The following ZNF273 variants were observed in gnomAD, a reference collection of about 807,000 sequenced individuals.
ZNF273 encodes the protein zinc finger protein 273, also known as zinc finger protein 9.
Under a neutral mutation model 14.9 loss-of-function variants are expected in ZNF273, and 11 were observed. The observed-to-expected ratio is 0.74, with a 90% CI of 0.46 to 1.22. The LOEUF is 1.22. Among genes scored for constraint, ZNF273 ranks in the 50% most tolerant of loss-of-function variants. ZNF273 has a pLI of 0.00. For missense variants in ZNF273, 577 were observed against 660.6 expected, an observed-to-expected ratio of 0.87 and a Z score of 1.39; for synonymous variants, 199 against 223.9, an observed-to-expected ratio of 0.89 and a Z score of 0.99.
At chr7:64,898,820 TG>T (rs1792514948), upstream of ZNF273, among the ~76,000 whole-genome samples, 1 of 152,216 alleles carries the variant, frequency 6.6e-6, no homozygotes, top group South Asian at 2.1e-4. Flanking sequence ...CATGCACCTT[TG>T]GGGTCTTAAT....
chr7:64,889,763 C>T (rs1583962482), downstream of ZNF273: 6 of 985,738 alleles, frequency 6.1e-6, no homozygotes, highest in South Asian at 2.8e-4. The surrounding 1 kb of genome is among the most constrained non-coding windows in gnomAD (Gnocchi z 4.2). Context: ...CACGGGGCTC[C>T]AGGAGTCCCG....
At chr7:64,903,204 C>A, upstream of ZNF273, 2 of 837,246 alleles carry the variant, frequency 2.4e-6, no homozygotes, top group Non-Finnish European at 3.8e-6. Flanking sequence ...GGACGCTGGG[C>A]TGGGACCCGT....
chr7:64,917,210 C>T, intron 1 of ZNF273: 1 of 786,738 alleles, frequency 1.3e-6, no homozygotes, highest in Non-Finnish European at 1.7e-6. Context: ...TATTACTGTA[C>T]ACATTAAAAT....
downstream of ZNF273, chr7:64,882,795 C>A (rs1466502727): frequency 2.6e-5 from 4 of 152,320 alleles, no homozygotes; most frequent in Admixed American, 2.6e-4. Context: ...GGTGAGTCTC[C>A]TTAAACGTTG....
chr7:64,921,898 G>A (rs558984149), intron 3 of ZNF273, among the ~76,000 whole-genome samples: 319 of 151,876 alleles, frequency 2.1e-3, no homozygotes, highest in African/African-American at 7.2e-3. Context: ...CAAAGTGCTG[G>A]GATTACAGGT....
rs1794886640 is a variant in ZNF273 at position 64,928,602 on chromosome 7, C to T, written c.1274C>T (p.Thr425Ile). The change falls in exon 4 of 4, where the codon ACT (threonine) becomes ATT (isoleucine). Residue 425 changes from threonine to isoleucine, a missense_variant. Coordinates refer to ENST00000476120, the MANE Select transcript of ZNF273 (RefSeq NM_021148.3). ...CTTACTAAACATAAGAGAATTTATA[C>T]TAAAGAGAAACCATACAAATGTGAA... ...TTLTKHKRIY[T>I]KEKPYKCEEC... 6.2e-7 allele frequency: 1 copy of T among 1,613,340 alleles called. No individual in the cohort carries two copies. Among genetic ancestry groups the T allele is most frequent in the Non-Finnish European group, 8.5e-7 (1 of 1,179,748 alleles).
intron 1 of ZNF273, among the ~76,000 whole-genome samples, chr7:64,886,069 A>G (rs764700245): frequency 4.4e-5 from 6 of 135,276 alleles, no homozygotes; most frequent in Non-Finnish European, 8.0e-5. Context: ...GGGAAACCAC[A>G]CTGATGCTGA....
chr7:64,906,802 A>T (rs1186404750), intron 1 of ZNF273, among the ~76,000 whole-genome samples: 1 of 151,854 alleles, frequency 6.6e-6, no homozygotes, highest in African/African-American at 2.4e-5. Flanking sequence ...GTTTTAAGGC[A>T]GTTTCTAGAC....
At chr7:64,923,820 CTT>C (rs750771189) in intron 3 of ZNF273, 6 of 146,394 alleles carry the variant, frequency 4.1e-5, no homozygotes, top group Admixed American at 1.4e-4. Flanking sequence ...TACTAGTCTC[CTT>C]TTTTTTTTTA....
At chr7:64,888,358 G>A in intron 1 of ZNF273, 1 of 985,354 alleles carries the variant, frequency 1.0e-6, no homozygotes, top group Non-Finnish European at 1.2e-6. Flanking sequence ...CTCCCAGGGG[G>A]AAGCGGGTTA....
chr7:64,897,021 A>G (rs1482577462), intron 3 of ZNF273, among the ~76,000 whole-genome samples: 1 of 152,168 alleles, frequency 6.6e-6, no homozygotes, highest in African/African-American at 2.4e-5. Context: ...CCTGGAGGAC[A>G]TTATGCTAAG....
chr7:64,912,432 C>A (rs904867644), intron 1 of ZNF273, among the ~76,000 whole-genome samples: 2 of 152,176 alleles, frequency 1.3e-5, no homozygotes, highest in Non-Finnish European at 2.9e-5. Flanking sequence ...GAAGTCTCTT[C>A]ATAGGTTTCT....
At chr7:64,898,769 G>A (rs1166258512), upstream of ZNF273, among the ~76,000 whole-genome samples, 1 of 152,198 alleles carries the variant, frequency 6.6e-6, no homozygotes, top group Non-Finnish European at 1.5e-5. Context: ...AGAAGAAGGT[G>A]CCCAGTGGAG....
At chr7:64,897,140 C>T (rs1233167008) in intron 3 of ZNF273, among the ~76,000 whole-genome samples, 1 of 152,154 alleles carries the variant, frequency 6.6e-6, no homozygotes, top group Non-Finnish European at 1.5e-5. Flanking sequence ...CCCTATGTCT[C>T]TTACCTTAAC....
At chr7:64,905,816 T>G (rs1316468588) in intron 1 of ZNF273, among the ~76,000 whole-genome samples, 1 of 152,162 alleles carries the variant, frequency 6.6e-6, no homozygotes, top group Non-Finnish European at 1.5e-5. Context: ...ACTGCCACTC[T>G]CTGGGGGTTT....
intron 3 of ZNF273, among the ~76,000 whole-genome samples, chr7:64,922,325 T>G (rs1794526096): frequency 6.6e-6 from 1 of 151,700 alleles, no homozygotes; most frequent in African/African-American, 2.4e-5. Flanking sequence ...TGTTTTTGTT[T>G]TTTTGTTTTT....
chr7:64,929,283 A>G lies in ZNF273; in HGVS notation c.*245A>G, dbSNP rs1376756329. Reference sequence around the variant, plus strand: ...TTACTGTCAAAAGATCTTTCAGACAATATAAGCCTGCAAAGTGCAGCAGAG... The same window carrying G: ...TTACTGTCAAAAGATCTTTCAGACAGTATAAGCCTGCAAAGTGCAGCAGAG... On this transcript the variant is annotated 3_prime_UTR_variant, in exon 4 of 4. Coordinates refer to ENST00000476120, the MANE Select transcript of ZNF273 (RefSeq NM_021148.3). The G allele has an allele frequency of 1.6e-5, 5 of 304,640 alleles. No individual in the cohort carries two copies. Among genetic ancestry groups the G allele is most frequent in the African/African-American group, 2.2e-5 (1 of 46,226 alleles). The allele number at this position is 304,640 out of a possible 1,614,324, so 18.9% of individuals were successfully genotyped here. A position where few individuals can be genotyped will look rare whatever the true frequency, so the allele number is the denominator to read the frequency against.
At chr7:64,936,339 A>G in the ZNF273 span, among the ~76,000 whole-genome samples, 1 of 152,218 alleles carries the variant, frequency 6.6e-6, no homozygotes, top group Admixed American at 6.5e-5. Flanking sequence ...TTAAGACCCC[A>G]TAGGTGCATG....
intron 2 of ZNF273, 133 bp downstream of exon 2, chr7:64,917,840 T>C: frequency 9.9e-7 from 1 of 1,011,832 alleles, no homozygotes; most frequent in Non-Finnish European, 1.4e-6. Context: ...TTTGTTCATT[T>C]AGAAATGAAT....
Sources: gnomAD v4.1 joint callset for allele counts (sites outside exome capture counted in the v4.1 genomes callset) on GRCh38, gnomAD v4.1.1 for gene constraint, Gnocchi (gnomAD v3.1) non-coding constraint, MANE v1.5 for transcripts, NCBI Gene and HGNC (gene_info 2026-07-23, HGNC 2026-07-21) for gene names.